The following FUBP1 variants were observed in gnomAD, a reference collection of about 807,000 sequenced individuals.
FUBP1 encodes the protein far upstream element binding protein 1, also known as far upstream element-binding protein 1.
In FUBP1, 16 loss-of-function variants were observed where a neutral mutation model predicts 94.9. That is an observed-to-expected ratio of 0.17 (90% confidence interval 0.11 to 0.26). FUBP1 has a LOEUF of 0.26. Ranked by LOEUF, FUBP1 falls within the 10% of genes least tolerant of loss-of-function variation. The probability of loss-of-function intolerance (pLI) is 1.00; values close to 1 mark genes in which losing one functional copy is unlikely to be tolerated. For missense variants in FUBP1, 583 were observed against 808.6 expected, an observed-to-expected ratio of 0.72 and a Z score of 3.38; for synonymous variants, 279 against 254.9, an observed-to-expected ratio of 1.09 and a Z score of -0.90.
In FUBP1 at chr1:77,978,916, G is replaced by A; in HGVS notation, c.89C>T (p.Ala30Val). 1.2e-6 allele frequency: 2 copies of A among 1,613,838 alleles called. No individual in the cohort carries two copies. The highest frequency in any genetic ancestry group is 1.7e-6 in the Non-Finnish European group (2 of 1,179,890). ...GGCTCTCTGCAGTGCATCTTTGAAA[G>A]CGTCGTTAACTCCTCCACCACCACC... ...GGGGGGGVND[A>V]FKDALQRARQ... The change falls in exon 1 of 20, where the codon GCT (alanine) becomes GTT (valine). Residue 30 changes from alanine to valine, a missense_variant. By Grantham distance (64) the Ala-to-Val change is moderately conservative. Transcript: ENST00000370768.
rs1014848168 is a variant in FUBP1, at chr1:77,966,959, G to A, written c.344-4C>T. 3.8e-6 allele frequency: 6 copies of A among 1,588,590 alleles called. No individual in the cohort carries two copies. Among genetic ancestry groups the A allele is most frequent in the Non-Finnish European group, 5.2e-6 (6 of 1,161,552 alleles). ...TGTTCACCTCCTCTGCCAATTACTA[G>A]TTAGAAAAAAAAAAATTTTTTTTTT... On this transcript the variant is annotated splice_region_variant and splice_polypyrimidine_tract_variant and intron_variant, in intron 5 of 19. Coordinates refer to ENST00000370768, the MANE Select transcript of FUBP1 (RefSeq NM_003902.5).
At chr1:77,959,049 T>G (rs1210110085) in intron 16 of FUBP1, among the ~76,000 whole-genome samples, 1 of 152,250 alleles carries the variant, frequency 6.6e-6, no homozygotes, top group African/African-American at 2.4e-5. Flanking sequence ...GTAACTGTCA[T>G]GCTGTGTCAT....
At chr1:77,979,117 CGT>C (rs1359634879), upstream of FUBP1, 1 of 1,134,008 alleles carries the variant, frequency 8.8e-7, no homozygotes, top group Non-Finnish European at 1.2e-6. Flanking sequence ...GCGCGACCAT[CGT>C]GCCGTAAAGG....
Position 77,960,510 on chromosome 1 carries a change from A to G in FUBP1, c.1345-15T>C, listed in dbSNP as rs758485454. 1 of 1,588,932 alleles carries G rather than the reference A, an allele frequency of 6.3e-7. No homozygotes were observed. Among genetic ancestry groups the G allele is most frequent in the East Asian group, 2.3e-5 (1 of 44,210 alleles). ...TTTACTGGGCCCTACAAAAAAAAGGATGACATAGAAAAATCAGAAAAACAC... is the reference window on the plus strand; with the variant it reads ...TTTACTGGGCCCTACAAAAAAAAGGGTGACATAGAAAAATCAGAAAAACAC... On this transcript the variant is annotated splice_polypyrimidine_tract_variant and intron_variant, in intron 14 of 19. Transcript: ENST00000370768.
At chr1:77,951,680 A>G (rs78981259) in intron 18 of FUBP1, among the ~76,000 whole-genome samples, 4,128 of 152,238 alleles carry the variant, frequency 0.027, 147 homozygotes, top group African/African-American at 0.095. Flanking sequence ...ATTATCTAAT[A>G]TTTATTATAG....
chr1:77,965,327 T>C, intron 7 of FUBP1, 96 bp from the exon 8 acceptor site: 2 of 709,844 alleles, frequency 2.8e-6, no homozygotes, highest in South Asian at 2.6e-5. Flanking sequence ...ACTCCTCCTA[T>C]CCCAGTTCAG....
In FUBP1 at chr1:77,956,640, T is replaced by C; in HGVS notation, c.1637A>G (p.Gln546Arg). 1 of 1,611,576 alleles carries C rather than the reference T, an allele frequency of 6.2e-7. No homozygotes were observed. The highest frequency in any genetic ancestry group is 2.2e-5 in the East Asian group (1 of 44,850). Residue 546 changes from glutamine to arginine, a missense_variant, in exon 17 of 20, where the codon CAA (glutamine) becomes CGA (arginine). By Grantham distance (43) the Gln-to-Arg change is conservative. Transcript: ENST00000370768. ...TGCTGGTGGTGGCTGTGCTTGCTGT[T>C]GATAATAGTGAGCGTAATAAGCAGC... ...AWAAYYAHYY[Q>R]QQAQPPPAAP...
At chr1:77,963,464 T>C in intron 13 of FUBP1, 110 bp downstream of exon 13, 1 of 584,230 alleles carries the variant, frequency 1.7e-6, no homozygotes, top group Non-Finnish European at 3.0e-6. Flanking sequence ...AATTCTTTTC[T>C]ACTAAAATAC....
chr1:77,963,983 T>C (rs1656015742), intron 12 of FUBP1, 79 bp downstream of exon 12: 1 of 880,260 alleles, frequency 1.1e-6, no homozygotes, highest in Admixed American at 1.7e-5. Flanking sequence ...GACTCTGATA[T>C]AGAGGTAACT....
Position 77,979,042 on chromosome 1 carries a change from C to G in FUBP1, c.-38G>C. ...AGAGCCGCTGCCGCCTGTTCAGAGA[C>G]TTCCTCTCAGCTAACAGCTAAGAAA... On this transcript the variant is annotated 5_prime_UTR_variant, in exon 1 of 20. Coordinates refer to ENST00000370768, the MANE Select transcript of FUBP1 (RefSeq NM_003902.5). 1 of 1,569,816 alleles carries G rather than the reference C, an allele frequency of 6.4e-7. No individual in the cohort carries two copies. The highest frequency in any genetic ancestry group is 1.7e-4 in the Middle Eastern group (1 of 5,850).
intron 10 of FUBP1, 105 bp downstream of exon 10, chr1:77,964,541 G>A: frequency 1.4e-6 from 1 of 740,130 alleles, no homozygotes; most frequent in Non-Finnish European, 2.3e-6. Flanking sequence ...GTATAAAGGT[G>A]AAATAAAAGG....
chr1:77,950,938 C>T (rs925821037), intron 18 of FUBP1, among the ~76,000 whole-genome samples: 3 of 152,076 alleles, frequency 2.0e-5, no homozygotes, highest in African/African-American at 7.2e-5. Flanking sequence ...TAACAGAGAA[C>T]TCTCATATAC....
In FUBP1 at chr1:77,967,679, TAAATAA is replaced by T; in HGVS notation, c.251-19_251-14del. On this transcript the variant is annotated splice_polypyrimidine_tract_variant and intron_variant, in intron 3 of 19. Transcript: ENST00000370768. Reference sequence around the variant, plus strand: ...TGTGTTCCAAAAGCTATCAAAAAATTAAATAAAAATAAAACAAAAATTCAAAATTTA... The same window carrying T: ...TGTGTTCCAAAAGCTATCAAAAAATTAAATAAAACAAAAATTCAAAATTTA... 3.4e-6 allele frequency: 5 copies of T among 1,481,554 alleles called. No homozygotes were observed. Among genetic ancestry groups the T allele is most frequent in the African/African-American group, 1.4e-5 (1 of 71,662 alleles). 91.8% of individuals were successfully genotyped at this position (1,481,554 alleles called of 1,614,324 possible). A position where few individuals can be genotyped will look rare whatever the true frequency, so the allele number is the denominator to read the frequency against.
intron 18 of FUBP1, 150 bp downstream of exon 18, chr1:77,955,105 C>G: frequency 1.8e-6 from 1 of 551,874 alleles, no homozygotes; most frequent in Non-Finnish European, 3.2e-6. Flanking sequence ...AATTTCCTTG[C>G]CATATAACCA....
chr1:77,964,471 A>G, intron 10 of FUBP1, 115 bp from the exon 11 acceptor site: 2 of 682,320 alleles, frequency 2.9e-6, no homozygotes, highest in East Asian at 2.7e-5. Flanking sequence ...ATAAAAGTAC[A>G]TATAATTCTA....
intron 1 of FUBP1, among the ~76,000 whole-genome samples, chr1:77,972,159 C>G (rs1657680041): frequency 6.6e-6 from 1 of 152,090 alleles, no homozygotes. Context: ...TGCTTTTCCA[C>G]CCTTAGGTCT....
At chr1:77,965,037 C>A (rs1208373458) in intron 8 of FUBP1, 32 bp downstream of exon 8, 1 of 1,602,938 alleles carries the variant, frequency 6.2e-7, no homozygotes. Flanking sequence ...CAAAACAGAT[C>A]AAAAGTAGCC....
upstream of FUBP1, chr1:77,979,087 C>T: frequency 5.0e-6 from 6 of 1,204,840 alleles, no homozygotes; most frequent in Non-Finnish European, 6.9e-6. Context: ...TGGCGGCCGT[C>T]GAAGCTCTAT....
At chr1:77,978,348 G>A (rs1364075026) in intron 1 of FUBP1, among the ~76,000 whole-genome samples, 1 of 152,200 alleles carries the variant, frequency 6.6e-6, no homozygotes, top group African/African-American at 2.4e-5. Context: ...AGACTGACAC[G>A]TAAATCCCGC....
Sources: allele counts gnomAD v4.1 joint callset (sites outside exome capture counted in the v4.1 genomes callset), GRCh38; gene constraint gnomAD v4.1.1; transcripts MANE v1.5; gene names NCBI Gene and HGNC (gene_info 2026-07-23, HGNC 2026-07-21).